The following UBE2R2 variants were observed in gnomAD, a reference collection of about 807,000 sequenced individuals.
The protein encoded by UBE2R2 is ubiquitin conjugating enzyme E2 R2.
Under a neutral mutation model 27.8 loss-of-function variants are expected in UBE2R2, and 1 was observed. The observed-to-expected ratio is 0.04, with a 90% CI of 0.01 to 0.17. The LOEUF (loss-of-function observed/expected upper bound fraction) is 0.17. UBE2R2 is among the 10% of genes least tolerant of loss of function. The probability of loss-of-function intolerance (pLI) is 1.00; values close to 1 mark genes in which losing one functional copy is unlikely to be tolerated. For missense variants in UBE2R2, 100 were observed against 291.0 expected (o/e 0.34, Z 4.78); for synonymous variants, 106 against 113.3 (o/e 0.94, Z 0.41).
chr9:33,853,306 T>C (rs897875688), intron 1 of UBE2R2, among the ~76,000 whole-genome samples: 1 of 149,446 alleles, frequency 6.7e-6, no homozygotes, highest in Non-Finnish European at 1.5e-5. Context: ...TTTTTTTTTT[T>C]GAGATGGAGT....
chr9:33,870,108 G>A (rs1821455022), intron 1 of UBE2R2, among the ~76,000 whole-genome samples: 1 of 152,040 alleles, frequency 6.6e-6, no homozygotes, highest in South Asian at 2.1e-4. Context: ...GCCTTCCAAA[G>A]TGCTGAGATT....
chr9:33,870,212 G>A (rs903916795), intron 1 of UBE2R2, among the ~76,000 whole-genome samples: 9 of 151,576 alleles, frequency 5.9e-5, no homozygotes, highest in Admixed American at 2.0e-4. Context: ...GCACACTCTC[G>A]GCTCATTGCC....
chr9:33,888,666 A>G (rs540187503), intron 2 of UBE2R2, among the ~76,000 whole-genome samples: 20 of 152,226 alleles, frequency 1.3e-4, no homozygotes, highest in African/African-American at 4.6e-4. Context: ...ACAGGTGTGC[A>G]CGACCACACC....
chr9:33,826,275 A>T (rs1461225607), intron 1 of UBE2R2, among the ~76,000 whole-genome samples: 3 of 152,140 alleles, frequency 2.0e-5, no homozygotes, highest in African/African-American at 7.2e-5. Flanking sequence ...AAATTAGTTG[A>T]CTCTGAAGTG....
chr9:33,913,958 G>GT (rs1822567515), intron 4 of UBE2R2, among the ~76,000 whole-genome samples: 1 of 152,212 alleles, frequency 6.6e-6, no homozygotes, highest in Non-Finnish European at 1.5e-5. Flanking sequence ...ATTTAGAGGA[G>GT]TGGGAGTGTA....
At chr9:33,885,466 C>T (rs1304213454) in intron 1 of UBE2R2, among the ~76,000 whole-genome samples, 1 of 152,188 alleles carries the variant, frequency 6.6e-6, no homozygotes, top group African/African-American at 2.4e-5. Flanking sequence ...AGCTCCAAAT[C>T]CAATCATATG....
chr9:33,837,526 A>G (rs1820641892), intron 1 of UBE2R2, among the ~76,000 whole-genome samples: 1 of 151,834 alleles, frequency 6.6e-6, no homozygotes, highest in South Asian at 2.1e-4. Context: ...CCTGGGCTCA[A>G]GAGATTCTCC....
chr9:33,858,391 T>C (rs974694596), intron 1 of UBE2R2, among the ~76,000 whole-genome samples: 1 of 152,170 alleles, frequency 6.6e-6, no homozygotes, highest in African/African-American at 2.4e-5. Context: ...TTTGAATATT[T>C]GTAATCTATA....
chr9:33,860,145 C>T (rs1387060674), intron 1 of UBE2R2, among the ~76,000 whole-genome samples: 2 of 151,258 alleles, frequency 1.3e-5, no homozygotes, highest in East Asian at 1.9e-4. Context: ...TAGGAGGGCA[C>T]GTTTCTCAAG....
At chr9:33,873,462 G>A (rs1194027926) in intron 1 of UBE2R2, among the ~76,000 whole-genome samples, 1 of 152,106 alleles carries the variant, frequency 6.6e-6, no homozygotes, top group East Asian at 1.9e-4. Flanking sequence ...AAAGGTTACT[G>A]CAGAAAGAAC....
chr9:33,820,179 G>A (rs1027306823), intron 1 of UBE2R2, among the ~76,000 whole-genome samples: 2 of 152,210 alleles, frequency 1.3e-5, no homozygotes, highest in Non-Finnish European at 2.9e-5. Context: ...TTGTGCATAA[G>A]TCTGGGAAAG....
chr9:33,843,327 G>T (rs1248202183), intron 1 of UBE2R2, among the ~76,000 whole-genome samples: 7 of 151,550 alleles, frequency 4.6e-5, no homozygotes, highest in African/African-American at 1.5e-4. Flanking sequence ...GGGATTACAG[G>T]TGTGAGCCAC....
intron 1 of UBE2R2, among the ~76,000 whole-genome samples, chr9:33,841,099 T>C (rs1056200406): frequency 1.3e-5 from 2 of 152,076 alleles, no homozygotes; most frequent in Non-Finnish European, 1.5e-5. Context: ...TTTTTTTTTT[T>C]TGAGACGAAG....
intron 1 of UBE2R2, among the ~76,000 whole-genome samples, chr9:33,845,115 C>T (rs1275884985): frequency 2.0e-5 from 3 of 152,096 alleles, no homozygotes; most frequent in Admixed American, 1.3e-4. Flanking sequence ...CTTACAGTAT[C>T]CTCAGCTTGC....
chr9:33,853,286 CTCTT>C (rs1212126364), intron 1 of UBE2R2, among the ~76,000 whole-genome samples: 4 of 122,766 alleles, frequency 3.3e-5, no homozygotes, highest in African/African-American at 1.0e-4. Context: ...CCTTTTCTCT[CTCTT>C]TTTTTTTTTT....
intron 1 of UBE2R2, among the ~76,000 whole-genome samples, chr9:33,820,688 A>T (rs565346129): frequency 6.6e-6 from 1 of 152,198 alleles, no homozygotes; most frequent in Non-Finnish European, 1.5e-5. Flanking sequence ...ATTTATTTTC[A>T]AGTTAAACTC....
rs900136936 is a variant in UBE2R2, at chr9:33,918,347, G to A, written c.*1110G>A. 1 of 152,042 alleles carries A rather than the reference G, an allele frequency of 6.6e-6. No homozygotes were observed. The highest frequency in any genetic ancestry group is 1.5e-5 in the Non-Finnish European group (1 of 68,020). 9.4% of individuals were successfully genotyped at this position (152,042 alleles called of 1,614,324 possible). A position where few individuals can be genotyped will look rare whatever the true frequency, so the allele number is the denominator to read the frequency against. On this transcript the variant is annotated 3_prime_UTR_variant, in exon 5 of 5. Transcript: ENST00000263228. ...TATACTGATAGTGAAAAACTTGGAT[G>A]TGTGTGAGACGAGTTACCGCCTTCT...
At chr9:33,849,184 G>A (rs1277004297) in intron 1 of UBE2R2, among the ~76,000 whole-genome samples, 1 of 152,086 alleles carries the variant, frequency 6.6e-6, no homozygotes, top group East Asian at 1.9e-4. Flanking sequence ...TTGAACCTGG[G>A]AGGCGGAGGT....
intron 3 of UBE2R2, among the ~76,000 whole-genome samples, chr9:33,910,144 T>C (rs1822452276): frequency 6.6e-6 from 1 of 152,116 alleles, no homozygotes; most frequent in Non-Finnish European, 1.5e-5. Flanking sequence ...ATTACGCTTT[T>C]ATTTATTTAT....
Sources: allele counts gnomAD v4.1 joint callset (sites outside exome capture counted in the v4.1 genomes callset), GRCh38; gene constraint gnomAD v4.1.1; transcripts MANE v1.5; gene names NCBI Gene and HGNC (gene_info 2026-07-23, HGNC 2026-07-21).